ANGPT2: variants seen among roughly 807,000 people sequenced by gnomAD.
ANGPT2 encodes the protein angiopoietin 2.
A neutral mutation model predicts 62.9 loss-of-function variants in ANGPT2; 28 were observed. That is an observed-to-expected ratio of 0.44 (90% confidence interval 0.33 to 0.61). The LOEUF is 0.61. Among genes scored for constraint, ANGPT2 ranks in the 20% least tolerant of loss-of-function variants. The pLI is 0.03. For synonymous variants in ANGPT2, 284 were observed against 207.8 expected, an observed-to-expected ratio of 1.37 and a Z score of -3.15; for missense variants, 727 against 594.9, an observed-to-expected ratio of 1.22 and a Z score of -2.31.
intron 1 of ANGPT2, among the ~76,000 whole-genome samples, chr8:6,544,118 A>C (rs190852400): frequency 7.0e-4 from 106 of 152,336 alleles, no homozygotes; most frequent in Middle Eastern, 3.4e-3. Context: ...TTGTTTTCCA[A>C]ACATAACTTT....
chr8:6,505,295 ATATATATG>A (rs1563305756), intron 8 of ANGPT2, among the ~76,000 whole-genome samples: 7 of 73,734 alleles, frequency 9.5e-5, no homozygotes, highest in South Asian at 9.1e-4. Flanking sequence ...TGTTATATAC[ATATATATG>A]TATATAACAT....
chr8:6,536,231 A>T (rs2129572606), intron 1 of ANGPT2, among the ~76,000 whole-genome samples: 1 of 152,226 alleles, frequency 6.6e-6, no homozygotes, highest in African/African-American at 2.4e-5. Context: ...CAGCCACAGT[A>T]ATGGTAGGTA....
chr8:6,517,968 C>A (rs1816590882), intron 5 of ANGPT2, among the ~76,000 whole-genome samples: 1 of 152,076 alleles, frequency 6.6e-6, no homozygotes, highest in Non-Finnish European at 1.5e-5. Context: ...TCTTTTACTG[C>A]AAATGTTTAA....
rs563347494 is a variant in ANGPT2, at chr8:6,503,028, C to T, written c.*73G>A. 2.6e-6 allele frequency: 4 copies of T among 1,567,520 alleles called. No homozygotes were observed. The highest frequency in any genetic ancestry group is 1.7e-5 in the Admixed American group (1 of 58,844). ...TGGTGGAAGAGGACACAGTGCGCAG[C>T]CGTGACTTTCAGTGCACTGGGCTTA... On this transcript the variant is annotated 3_prime_UTR_variant, in exon 9 of 9. Coordinates refer to ENST00000629816, the MANE Select transcript of ANGPT2 (RefSeq NM_001118887.2).
At chr8:6,546,043 G>A (rs60625360) in intron 1 of ANGPT2, among the ~76,000 whole-genome samples, 4 of 152,150 alleles carry the variant, frequency 2.6e-5, no homozygotes, top group Non-Finnish European at 2.9e-5. Context: ...AAACACACCC[G>A]GTGTGAGTCC....
At chr8:6,513,457 C>T (rs1467804789) in intron 7 of ANGPT2, among the ~76,000 whole-genome samples, 3 of 151,762 alleles carry the variant, frequency 2.0e-5, no homozygotes, top group East Asian at 1.9e-4. Context: ...CTCAGCCTCC[C>T]GAGTAGCTGG....
intron 2 of ANGPT2, among the ~76,000 whole-genome samples, chr8:6,528,614 G>T (rs942218731): frequency 1.1e-4 from 16 of 152,244 alleles, no homozygotes; most frequent in Non-Finnish European, 2.4e-4. Flanking sequence ...GAGCTACTGC[G>T]TGGCATGAGC....
intron 1 of ANGPT2, among the ~76,000 whole-genome samples, chr8:6,536,036 G>A (rs372307179): frequency 1.1e-4 from 17 of 152,178 alleles, no homozygotes; most frequent in East Asian, 1.9e-4. Context: ...CAGCTTGGGC[G>A]ACAGAGTGAG....
At chr8:6,548,178 G>A (rs1056594777) in intron 1 of ANGPT2, among the ~76,000 whole-genome samples, 5 of 152,108 alleles carry the variant, frequency 3.3e-5, no homozygotes, top group Admixed American at 2.6e-4. Context: ...TCCTGGAGTG[G>A]CTTGAGGCGG....
chr8:6,502,375 T>C lies in ANGPT2; in HGVS notation c.*726A>G, dbSNP rs933981446. The C allele has an allele frequency of 6.6e-5, 10 of 152,224 alleles. No homozygotes were observed. The highest frequency in any genetic ancestry group is 1.9e-4 in the African/African-American group (8 of 41,452). 9.4% of individuals were successfully genotyped at this position (152,224 alleles called of 1,614,324 possible). Reference sequence around the variant, plus strand: ...GCAGAAAAAAATAGTACGGTCTGCATATAAACTAAAATGGCACGTTTCTGT... The same window carrying C: ...GCAGAAAAAAATAGTACGGTCTGCACATAAACTAAAATGGCACGTTTCTGT... On this transcript the variant is annotated 3_prime_UTR_variant, in exon 9 of 9. Transcript: ENST00000629816.
At chr8:6,537,622 C>T (rs1820748705) in intron 1 of ANGPT2, among the ~76,000 whole-genome samples, 1 of 151,628 alleles carries the variant, frequency 6.6e-6, no homozygotes, top group Admixed American at 6.6e-5. Context: ...TTATTACTCC[C>T]ACAACGTTTT....
At chr8:6,554,092 C>T (rs1204976072) in intron 1 of ANGPT2, among the ~76,000 whole-genome samples, 3 of 149,564 alleles carry the variant, frequency 2.0e-5, no homozygotes, top group Admixed American at 1.4e-4. Context: ...CTGAGTACTT[C>T]AGACAGGGAG....
intron 1 of ANGPT2, among the ~76,000 whole-genome samples, chr8:6,532,803 G>C (rs1428472298): frequency 6.6e-6 from 1 of 152,192 alleles, no homozygotes; most frequent in Admixed American, 6.5e-5. Flanking sequence ...CAGCCACAGG[G>C]ACTGCTGGGT....
chr8:6,517,940 C>T (rs1816587275), intron 5 of ANGPT2, among the ~76,000 whole-genome samples: 1 of 152,190 alleles, frequency 6.6e-6, no homozygotes, highest in African/African-American at 2.4e-5. Context: ...TTATTGTTCC[C>T]TGCTGTGTAA....
At chr8:6,540,230 C>T (rs914932444) in intron 1 of ANGPT2, among the ~76,000 whole-genome samples, 2 of 152,154 alleles carry the variant, frequency 1.3e-5, no homozygotes, top group Non-Finnish European at 2.9e-5. Flanking sequence ...ATATTCATAT[C>T]ATTTTACCTC....
At chr8:6,522,229 C>G (rs971438867) in intron 3 of ANGPT2, among the ~76,000 whole-genome samples, 1 of 152,048 alleles carries the variant, frequency 6.6e-6, no homozygotes, top group African/African-American at 2.4e-5. Flanking sequence ...GTGGCGGGCG[C>G]CTGTAGTCAC....
intron 2 of ANGPT2, among the ~76,000 whole-genome samples, chr8:6,528,096 C>A (rs560173669): frequency 1.3e-5 from 2 of 152,082 alleles, no homozygotes; most frequent in Non-Finnish European, 2.9e-5. Context: ...GGGGTTTCAC[C>A]ATGTTGGCCA....
chr8:6,533,860 T>G lies in ANGPT2; in HGVS notation c.289-1373A>C, dbSNP rs185745927. On this transcript the variant is annotated intron_variant, in intron 1 of 8. Transcript: ENST00000629816. Reference sequence around the variant, plus strand: ...TAAATAATTCTGTGCTTTCTGTCTTTAAGAGTAGGAAAATAGGATGGGAAG... The same window carrying G: ...TAAATAATTCTGTGCTTTCTGTCTTGAAGAGTAGGAAAATAGGATGGGAAG... Among the ~76,000 whole-genome samples the G allele has an allele frequency of 3.9e-5, 6 of 152,304 alleles. No individual in the cohort carries two copies. The East Asian group carries it at 1.2e-3, about 29-fold the overall frequency.
chr8:6,563,163 T>A lies in ANGPT2; in HGVS notation c.-229A>T. ...ATTGCAGTGGGAAGAACAGTCCTGC[T>A]CACTTGGGAGGGCTGTGTCAGCTTT... On this transcript the variant is annotated 5_prime_UTR_variant, in exon 1 of 9. Coordinates refer to ENST00000629816, the MANE Select transcript of ANGPT2 (RefSeq NM_001118887.2). 2.4e-6 allele frequency: 1 copy of A among 415,202 alleles called. No individual in the cohort carries two copies. The highest frequency in any genetic ancestry group is 4.2e-5 in the South Asian group (1 of 23,846). 25.7% of individuals were successfully genotyped at this position (415,202 alleles called of 1,614,324 possible).
Sources: allele counts gnomAD v4.1 joint callset (sites outside exome capture counted in the v4.1 genomes callset), GRCh38; gene constraint gnomAD v4.1.1; transcripts MANE v1.5; gene names NCBI Gene and HGNC (gene_info 2026-07-23, HGNC 2026-07-21).